COL23A1: variants seen among roughly 807,000 people sequenced by gnomAD.
COL23A1 encodes the protein collagen alpha-1(XXIII) chain.
A neutral mutation model predicts 99.3 loss-of-function variants in COL23A1; 97 were observed. The ratio of observed to expected loss-of-function variants is 0.98; its 90% CI spans 0.83 to 1.16. The LOEUF (loss-of-function observed/expected upper bound fraction) is 1.16, where lower values mean the gene tolerates loss of function less well. Ranked by LOEUF, COL23A1 falls within the 50% of genes most tolerant of loss-of-function variation. The pLI is 0.00. For missense variants in COL23A1, 762 were observed against 757.4 expected (o/e 1.01, Z -0.07); for synonymous variants, 320 against 308.2 (o/e 1.04, Z -0.40).
intron 2 of COL23A1, among the ~76,000 whole-genome samples, chr5:178,518,588 CGGGG>C (rs1562046734): frequency 5.5e-5 from 8 of 145,790 alleles, no homozygotes; most frequent in African/African-American, 1.0e-4. Flanking sequence ...GATGGGGCGG[CGGGG>C]CAGAGGCGCT....
intron 5 of COL23A1, among the ~76,000 whole-genome samples, chr5:178,284,248 C>A (rs1757043506): frequency 6.6e-6 from 1 of 152,198 alleles, no homozygotes; most frequent in Non-Finnish European, 1.5e-5. Context: ...TCTATGCCTG[C>A]AATTCCAACC....
At chr5:178,496,403 T>C (rs1283479845) in intron 2 of COL23A1, among the ~76,000 whole-genome samples, 2 of 152,292 alleles carry the variant, frequency 1.3e-5, no homozygotes, top group South Asian at 2.1e-4. Flanking sequence ...GAGAAAGGAA[T>C]GCCTTCTTGT....
chr5:178,452,554 T>C (rs989928864), intron 2 of COL23A1, among the ~76,000 whole-genome samples: 3 of 152,224 alleles, frequency 2.0e-5, no homozygotes, highest in Non-Finnish European at 4.4e-5. Context: ...AAAAGGCTAA[T>C]GACACACTGG....
At chr5:178,260,457 T>G (rs1446808558) in intron 11 of COL23A1, among the ~76,000 whole-genome samples, 1 of 152,172 alleles carries the variant, frequency 6.6e-6, no homozygotes, top group Middle Eastern at 3.2e-3. Context: ...TGATTCCAAC[T>G]AGATGACACT....
At chr5:178,282,052 C>CAAAAA (rs70994994) in intron 5 of COL23A1, among the ~76,000 whole-genome samples, 2 of 98,686 alleles carry the variant, frequency 2.0e-5, no homozygotes. Context: ...ACACTGTCTC[C>CAAAAA]AAAAAAAAAA....
At chr5:178,558,126 A>G (rs1562088526) in intron 2 of COL23A1, among the ~76,000 whole-genome samples, 2 of 151,036 alleles carry the variant, frequency 1.3e-5, no homozygotes, top group African/African-American at 4.9e-5. Context: ...TCAGTCCCCC[A>G]TGGTCTTCCC....
intron 1 of COL23A1, among the ~76,000 whole-genome samples, chr5:178,582,003 A>G (rs924518008): frequency 6.6e-6 from 1 of 152,110 alleles, no homozygotes; most frequent in African/African-American, 2.4e-5. Flanking sequence ...AACATTCATC[A>G]TGCTAAATCA....
At position 178,293,373 on chromosome 5, in the gene COL23A1, T is replaced by C. The variant is rs533114778; in HGVS notation, c.407-3004A>G. ...GAAGAGTGCCTGGTGCTGCTAGGCA[T>C]GTGCCATGGAGGTGGGAGTTCGGGC... On this transcript the variant is annotated intron_variant, in intron 3 of 28. Transcript: ENST00000390654. Among the ~76,000 whole-genome samples, 48 of 152,210 alleles carry C rather than the reference T, an allele frequency of 3.2e-4. No homozygotes were observed. In the South Asian group the frequency reaches 8.9e-3, roughly 28 times the overall value.
At chr5:178,253,993 G>A (rs1223148064) in intron 16 of COL23A1, among the ~76,000 whole-genome samples, 11 of 151,566 alleles carry the variant, frequency 7.3e-5, no homozygotes, top group Admixed American at 5.9e-4. Context: ...GTGAAACCCC[G>A]TCTCTACTAA....
intron 2 of COL23A1, among the ~76,000 whole-genome samples, chr5:178,539,269 G>A (rs371258870): frequency 2.2e-4 from 33 of 152,104 alleles, no homozygotes; most frequent in African/African-American, 7.0e-4. Context: ...TAATGAGGCC[G>A]AGCACGGTGG....
At chr5:178,318,332 T>C (rs1213028970) in intron 2 of COL23A1, among the ~76,000 whole-genome samples, 1 of 152,198 alleles carries the variant, frequency 6.6e-6, no homozygotes, top group Non-Finnish European at 1.5e-5. Context: ...TCCTTTTGAT[T>C]GGCAGATGTA....
At chr5:178,505,824 G>A (rs1758837380) in intron 2 of COL23A1, among the ~76,000 whole-genome samples, 1 of 152,112 alleles carries the variant, frequency 6.6e-6, no homozygotes, top group African/African-American at 2.4e-5. Flanking sequence ...CCACGGACAG[G>A]GTGTCCAATC....
Position 178,247,563 on chromosome 5 carries a change from A to T in COL23A1, c.1270-11T>A, listed in dbSNP as rs1206236036. ...GATTCCCTGGAGGCCCTGCAGGAGG[A>T]GGAAGCAGATAAGAAGGCTGGCTCC... On this transcript the variant is annotated splice_polypyrimidine_tract_variant and intron_variant, in intron 21 of 28. Coordinates refer to ENST00000390654, the MANE Select transcript of COL23A1 (RefSeq NM_173465.4). The T allele has an allele frequency of 6.2e-7, 1 of 1,613,918 alleles. No homozygotes were observed. The highest frequency in any genetic ancestry group is 1.7e-5 in the Admixed American group (1 of 60,012).
chr5:178,500,359 G>T (rs182144140), intron 2 of COL23A1, among the ~76,000 whole-genome samples: 1 of 150,020 alleles, frequency 6.7e-6, no homozygotes, highest in African/African-American at 2.5e-5. Flanking sequence ...AAGCCGAGGC[G>T]GGAGGGTCAC....
At chr5:178,373,966 G>A (rs1355676255) in intron 2 of COL23A1, among the ~76,000 whole-genome samples, 9 of 152,190 alleles carry the variant, frequency 5.9e-5, no homozygotes, top group Admixed American at 5.9e-4. Context: ...CGGAGGGGAA[G>A]TGCAGCACCG....
rs201780019 is a variant in COL23A1, at chr5:178,263,284, G to A, written c.563C>T (p.Pro188Leu). The change falls in exon 9 of 29, where the codon CCC becomes CTC. Residue 188 changes from proline to leucine, a missense_variant. Coordinates refer to ENST00000390654, the MANE Select transcript of COL23A1 (RefSeq NM_173465.4). ...GCCCCGGGCCCCAGGAGGTCCAGGG[G>A]GCCCCGGAGGCCCAGCAGCTCCATC... ...GQDGAAGPPGPPGPPGARGPP... is the reference protein window; with the variant it reads ...GQDGAAGPPGLPGPPGARGPP... 1.1e-3 allele frequency: 1,785 copies of A among 1,609,262 alleles called. 27 individuals carry two copies. The African/African-American group carries it at 0.02, about 18-fold the overall frequency.
At chr5:178,543,231 C>T (rs182756152) in intron 2 of COL23A1, among the ~76,000 whole-genome samples, 1 of 152,194 alleles carries the variant, frequency 6.6e-6, no homozygotes, top group African/African-American at 2.4e-5. Flanking sequence ...CCTCAGCCTC[C>T]CGGGTAGCTG....
chr5:178,447,723 T>G (rs1233977123), intron 2 of COL23A1, among the ~76,000 whole-genome samples: 1 of 152,120 alleles, frequency 6.6e-6, no homozygotes, highest in Non-Finnish European at 1.5e-5. Context: ...AAGCTACATG[T>G]GACCATATCT....
At chr5:178,523,425 C>G (rs1760125315) in intron 2 of COL23A1, 1 of 34,718 alleles carries the variant, frequency 2.9e-5, no homozygotes, top group South Asian at 1.1e-3. Flanking sequence ...GAAACTCTGT[C>G]TCAAAAAAAA....
Sources: gnomAD v4.1 joint callset for allele counts (sites outside exome capture counted in the v4.1 genomes callset) on GRCh38, gnomAD v4.1.1 for gene constraint, MANE v1.5 for transcripts, NCBI Gene and HGNC (gene_info 2026-07-23, HGNC 2026-07-21) for gene names.